The following BTD variants were observed in gnomAD, a reference collection of about 807,000 sequenced individuals.
BTD encodes the protein biocytinase.
In BTD, 13 loss-of-function variants were observed where a neutral mutation model predicts 17.7. The observed-to-expected ratio is 0.74, with a 90% CI of 0.48 to 1.17. The LOEUF (loss-of-function observed/expected upper bound fraction) is 1.17. BTD is among the 50% of genes most tolerant of loss of function. The pLI is 0.00. For missense variants in BTD, 674 were observed against 650.4 expected (o/e 1.04, Z -0.39); for synonymous variants, 240 against 245.2 (o/e 0.98, Z 0.20).
At chr3:15,637,985 TATCTC>T (rs1299944149) in intron 2 of BTD, among the ~76,000 whole-genome samples, 1 of 152,232 alleles carries the variant, frequency 6.6e-6, no homozygotes, top group Non-Finnish European at 1.5e-5. Context: ...AATTTACAGA[TATCTC>T]AGCTCCCATA....
At position 15,601,750 on chromosome 3, in the gene BTD, A is replaced by AT. The variant is rs776241930; in HGVS notation, c.-159dup. On this transcript the variant is annotated 5_prime_UTR_variant, in exon 1 of 4. Coordinates refer to ENST00000643237, the MANE Select transcript of BTD (RefSeq NM_001370658.1). ...CAGAGGGAGGCGGGACTAGCAGGAG[A>AT]TTGCTGCCTATGCAAAGCAGGTAAG... 1 of 1,594,084 alleles carries AT rather than the reference A, an allele frequency of 6.3e-7. No homozygotes were observed. The highest frequency in any genetic ancestry group is 1.1e-5 in the South Asian group (1 of 89,028).
At chr3:15,715,992 CTCT>C (rs1373788438), downstream of BTD, among the ~76,000 whole-genome samples, 1 of 150,086 alleles carries the variant, frequency 6.7e-6, no homozygotes, top group African/African-American at 2.4e-5. Context: ...TTTTTTTTCT[CTCT>C]TTTTTTTTTT....
rs182968124 is a variant in BTD, at chr3:15,701,569, A to T, written c.400-8491A>T. 4.6e-3 allele frequency among the ~76,000 whole-genome samples: 695 copies of T among 152,206 alleles called. 6 individuals are homozygous for T. Among genetic ancestry groups the T allele is most frequent in the East Asian group, 0.02 (103 of 5,180 alleles). On this transcript the variant is annotated intron_variant, in intron 3 of 3. Coordinates refer to the BTD transcript ENST00000672141. ...TGAGGCAGGAGAATCACTTGAACCC[A>T]GGAGGCGGAGGTTGCAGTAAGCTGA... is the stretch of plus-strand genomic sequence containing the variant.
intron 1 of BTD, among the ~76,000 whole-genome samples, chr3:15,605,254 A>G (rs532693286): frequency 3.3e-5 from 5 of 152,318 alleles, no homozygotes; most frequent in African/African-American, 1.2e-4. Flanking sequence ...ATGAAGGAGG[A>G]GCAAAGGCAC....
At chr3:15,678,097 T>TACCTGCAAACAGGTAA (rs2067141651) in intron 3 of BTD, 1 of 1,097,188 alleles carries the variant, frequency 9.1e-7, no homozygotes, top group Admixed American at 3.0e-5. Context: ...TAAAAGGTTT[T>TACCTGCAAACAGGTAA]AAGTCTTAGG....
downstream of BTD, among the ~76,000 whole-genome samples, chr3:15,655,341 A>C (rs963524619): frequency 5.3e-5 from 8 of 151,858 alleles, no homozygotes; most frequent in African/African-American, 1.7e-4. Context: ...TTTGGCATTT[A>C]TAAATGAATC....
intron 3 of BTD, among the ~76,000 whole-genome samples, chr3:15,693,045 A>T (rs570885664): frequency 6.7e-4 from 102 of 152,342 alleles, no homozygotes; most frequent in African/African-American, 2.4e-3. Context: ...AGGTGTCTAG[A>T]TTAGTCAAAT....
At chr3:15,718,685 A>C (rs1342206124) in intron 4 of BTD, among the ~76,000 whole-genome samples, 1 of 152,038 alleles carries the variant, frequency 6.6e-6, no homozygotes, top group Non-Finnish European at 1.5e-5. Flanking sequence ...ATGTGAACCA[A>C]AAAATGCATA....
At chr3:15,622,022 A>T (rs910250594) in intron 1 of BTD, among the ~76,000 whole-genome samples, 1 of 152,020 alleles carries the variant, frequency 6.6e-6, no homozygotes, top group Non-Finnish European at 1.5e-5. Flanking sequence ...TTCATTGCTC[A>T]TGTCAGTAAT....
intron 3 of BTD, among the ~76,000 whole-genome samples, chr3:15,693,273 A>T (rs1383265834): frequency 6.6e-6 from 1 of 152,088 alleles, no homozygotes; most frequent in Non-Finnish European, 1.5e-5. Flanking sequence ...TTTTTCTACC[A>T]TTACCACCAT....
intron 1 of BTD, among the ~76,000 whole-genome samples, chr3:15,634,653 G>C (rs2065296629): frequency 6.6e-6 from 1 of 152,148 alleles, no homozygotes; most frequent in African/African-American, 2.4e-5. Context: ...CTGCAAAAAG[G>C]ATTTTATTTC....
intron 3 of BTD, among the ~76,000 whole-genome samples, chr3:15,660,060 G>A (rs1219634667): frequency 6.6e-6 from 1 of 152,220 alleles, no homozygotes; most frequent in African/African-American, 2.4e-5. Flanking sequence ...GGACGCTTAG[G>A]TGTCAGGCAC....
At chr3:15,714,544 A>AAG, downstream of BTD, 1 of 1,496,708 alleles carries the variant, frequency 6.7e-7, no homozygotes, top group Middle Eastern at 1.8e-4. Flanking sequence ...AAAAAAAAAA[A>AAG]AAACCCCAAA....
chr3:15,719,668 A>C (rs2073477550), intron 4 of BTD, among the ~76,000 whole-genome samples: 1 of 152,138 alleles, frequency 6.6e-6, no homozygotes, highest in Non-Finnish European at 1.5e-5. Flanking sequence ...TTCTGGGCTC[A>C]AGTGATCCTC....
rs1016109034 is a variant in BTD at position 15,685,879 on chromosome 3, A to G, written c.400-24181A>G. On this transcript the variant is annotated intron_variant, in intron 3 of 3. Coordinates refer to the BTD transcript ENST00000672141. ...TAGCATTTAAAAACTAAGATACTGA[A>G]AGAAATGGTAAAGACTATTTGACGA... 10 of 744,202 alleles carry G rather than the reference A, an allele frequency of 1.3e-5. No homozygotes were observed. In the African/African-American group the frequency reaches 1.8e-4, roughly 13 times the overall value. The allele number at this position is 744,202 out of a possible 1,614,324, so 46.1% of individuals were successfully genotyped here.
At chr3:15,679,597 C>T (rs1342078915) in intron 3 of BTD, 3 of 1,549,136 alleles carry the variant, frequency 1.9e-6, no homozygotes, top group Non-Finnish European at 2.6e-6. Context: ...TATTAAAATT[C>T]AAAGGAGATA....
Position 15,635,636 on chromosome 3 carries a change from T to C in BTD, c.197T>C (p.Met66Thr), listed in dbSNP as rs587783002. 4 of 1,614,206 alleles carry C rather than the reference T, an allele frequency of 2.5e-6. No homozygotes were observed. The highest frequency in any genetic ancestry group is 1.1e-5 in the South Asian group (1 of 91,084). ...LISRQEALEL[M>T]NQNLDIYEQQ... ...AGCCGCCAAGAGGCCTTGGAGCTCA[T>C]GAACCAGAACCTTGACATCTATGAA... is the stretch of plus-strand genomic sequence containing the variant. The change falls in exon 2 of 4, where the codon ATG becomes ACG. Residue 66 changes from methionine to threonine, a missense_variant. Transcript: ENST00000643237. The surrounding 1 kb of genome is among the most constrained non-coding windows in gnomAD (Gnocchi z 4.1).
At chr3:15,605,900 A>G (rs563220598) in intron 1 of BTD, among the ~76,000 whole-genome samples, 5 of 152,056 alleles carry the variant, frequency 3.3e-5, no homozygotes, top group African/African-American at 1.2e-4. Flanking sequence ...AAAATTATCC[A>G]GGTGTGGTGG....
chr3:15,720,495 CTTCT>C (rs2073600467), intron 4 of BTD, among the ~76,000 whole-genome samples: 1 of 152,152 alleles, frequency 6.6e-6, no homozygotes, highest in African/African-American at 2.4e-5. Flanking sequence ...TAGTATTTTC[CTTCT>C]AAGAGAAAAT....
Sources: gnomAD v4.1 joint callset for allele counts (sites outside exome capture counted in the v4.1 genomes callset) on GRCh38, gnomAD v4.1.1 for gene constraint, Gnocchi (gnomAD v3.1) non-coding constraint, MANE v1.5 for transcripts, NCBI Gene and HGNC (gene_info 2026-07-23, HGNC 2026-07-21) for gene names.